The following PDE10A variants were observed in gnomAD, a reference collection of about 807,000 sequenced individuals.
PDE10A encodes the protein phosphodiesterase 10A, also known as cAMP and cAMP-inhibited cGMP 3',5'-cyclic phosphodiesterase 10A.
In PDE10A, 39 loss-of-function variants were observed where a neutral mutation model predicts 97.7. The observed-to-expected ratio is 0.40, with a 90% CI of 0.31 to 0.52. PDE10A has a LOEUF of 0.52. Ranked by LOEUF, PDE10A falls within the 20% of genes least tolerant of loss-of-function variation. PDE10A has a pLI of 0.56. For synonymous variants in PDE10A, 371 were observed against 376.8 expected (o/e 0.98, Z 0.18); for missense variants, 731 against 1,047.8 (o/e 0.70, Z 4.17).
chr6:165,721,545 A>C (rs990329530), intron 1 of PDE10A, among the ~76,000 whole-genome samples: 2 of 152,258 alleles, frequency 1.3e-5, no homozygotes, highest in African/African-American at 4.8e-5. Context: ...AAGTGGTTCC[A>C]GATTCCATCA....
intron 1 of PDE10A, among the ~76,000 whole-genome samples, chr6:165,682,878 C>T (rs1347437944): frequency 1.3e-5 from 2 of 152,184 alleles, no homozygotes; most frequent in African/African-American, 2.4e-5. Context: ...GCACACTGTA[C>T]CTGCACCTTC....
chr6:165,604,535 A>AAAAAG (rs1787118543), intron 1 of PDE10A, among the ~76,000 whole-genome samples: 1 of 147,120 alleles, frequency 6.8e-6, no homozygotes, highest in Non-Finnish European at 1.5e-5. Context: ...AAAAAAAAAA[A>AAAAAG]GTGTTACTAT....
intron 1 of PDE10A, among the ~76,000 whole-genome samples, chr6:165,876,440 C>T (rs554321488): frequency 1.2e-3 from 181 of 152,260 alleles, no homozygotes; most frequent in African/African-American, 4.2e-3. Flanking sequence ...AAGTCTCAAA[C>T]AGTGCAACTC....
intron 1 of PDE10A, among the ~76,000 whole-genome samples, chr6:165,573,508 C>A (rs906343699): frequency 8.5e-5 from 13 of 152,064 alleles, no homozygotes; most frequent in African/African-American, 2.9e-4. Flanking sequence ...GGTTCATTGT[C>A]CAAATACTGG....
Position 165,432,918 on chromosome 6 carries a change from C to T in PDE10A, c.1491+56G>A, listed in dbSNP as rs1789703958. 5 of 1,338,304 alleles carry T rather than the reference C, an allele frequency of 3.7e-6. No homozygotes were observed. In the Admixed American group the frequency reaches 7.8e-5, roughly 21 times the overall value. 82.9% of individuals were successfully genotyped at this position (1,338,304 alleles called of 1,614,324 possible). On this transcript the variant is annotated intron_variant, in intron 7 of 21. Coordinates refer to ENST00000539869, the MANE Select transcript of PDE10A (RefSeq NM_001385079.1). ...ATTACTTAGCAATACTAACAAGCAC[C>T]TTCAATGAGCTAGGTACAACTAAAA...
intron 1 of PDE10A, chr6:165,894,215 T>C (rs1422023906): frequency 2.3e-6 from 1 of 435,740 alleles, no homozygotes; most frequent in African/African-American, 2.0e-5. Context: ...GAGCCGTCTC[T>C]GGAGGAATAT....
intron 1 of PDE10A, among the ~76,000 whole-genome samples, chr6:165,686,756 G>A (rs1001156226): frequency 1.3e-5 from 2 of 152,212 alleles, no homozygotes; most frequent in African/African-American, 4.8e-5. Context: ...AGAAACACGA[G>A]CAGCTGCGTG....
chr6:165,677,375 C>T (rs972435683), intron 1 of PDE10A, among the ~76,000 whole-genome samples: 1 of 152,184 alleles, frequency 6.6e-6, no homozygotes, highest in African/African-American at 2.4e-5. Flanking sequence ...TGAGCCGGTT[C>T]CTTAAAAGCT....
At chr6:165,389,607 C>T (rs891534293) in intron 16 of PDE10A, among the ~76,000 whole-genome samples, 6 of 152,182 alleles carry the variant, frequency 3.9e-5, no homozygotes, top group South Asian at 2.1e-4. Context: ...TAGACTGAGG[C>T]GAAGGAGTCT....
chr6:165,597,327 T>G (rs1408679704), intron 1 of PDE10A, among the ~76,000 whole-genome samples: 2 of 152,188 alleles, frequency 1.3e-5, no homozygotes, highest in Non-Finnish European at 2.9e-5. Context: ...TTCTTAATAG[T>G]CACTTTCTTC....
intron 1 of PDE10A, among the ~76,000 whole-genome samples, chr6:165,935,484 G>C (rs979022472): frequency 2.0e-5 from 3 of 152,222 alleles, no homozygotes; most frequent in African/African-American, 7.2e-5. Flanking sequence ...TTTGAAAGTA[G>C]AGAGGAGGAT....
chr6:165,642,085 G>T (rs970183551), intron 1 of PDE10A, among the ~76,000 whole-genome samples: 3 of 152,144 alleles, frequency 2.0e-5, no homozygotes, highest in African/African-American at 7.2e-5. Context: ...TGGGAAGGTG[G>T]AATACCATGA....
intron 1 of PDE10A, among the ~76,000 whole-genome samples, chr6:165,963,108 C>T (rs1189976622): frequency 1.3e-5 from 2 of 152,172 alleles, no homozygotes; most frequent in African/African-American, 4.8e-5. Context: ...AGAATGCAAC[C>T]TTTTCCATCC....
At chr6:165,478,481 A>G (rs1259951371) in intron 3 of PDE10A, among the ~76,000 whole-genome samples, 3 of 152,188 alleles carry the variant, frequency 2.0e-5, no homozygotes, top group Non-Finnish European at 4.4e-5. Flanking sequence ...CATTAACACT[A>G]AAAAAGGTTT....
chr6:165,682,029 C>T (rs573662746), intron 1 of PDE10A, among the ~76,000 whole-genome samples: 2 of 152,304 alleles, frequency 1.3e-5, no homozygotes, highest in African/African-American at 4.8e-5. Context: ...TCTAAGTCGT[C>T]CTTGTTCTGG....
rs115361758 is a variant in PDE10A at position 165,493,532 on chromosome 6, G to A, written c.995-11189C>T. 1.7e-3 allele frequency among the ~76,000 whole-genome samples: 258 copies of A among 152,100 alleles called. 2 individuals carry two copies. The highest frequency in any genetic ancestry group is 5.7e-3 in the African/African-American group (238 of 41,522). On this transcript the variant is annotated intron_variant, in intron 2 of 21. Coordinates refer to ENST00000539869, the MANE Select transcript of PDE10A (RefSeq NM_001385079.1). Reference sequence around the variant, plus strand: ...AGAATAGAGAACCAAGAAATAAGGCGAAATACTTACTGTCAAGTGATTTTT... The same window carrying A: ...AGAATAGAGAACCAAGAAATAAGGCAAAATACTTACTGTCAAGTGATTTTT...
At chr6:165,857,889 T>C (rs139389434) in intron 1 of PDE10A, among the ~76,000 whole-genome samples, 148 of 152,292 alleles carry the variant, frequency 9.7e-4, no homozygotes, top group African/African-American at 3.5e-3. Context: ...AAGCACAACA[T>C]GCACAATTAC....
At chr6:165,691,112 C>CCT (rs1791272582) in intron 1 of PDE10A, among the ~76,000 whole-genome samples, 1 of 76,462 alleles carries the variant, frequency 1.3e-5, no homozygotes, top group Non-Finnish European at 2.8e-5. Context: ...TCTCTCCCCC[C>CCT]CCCCATCAGT....
intron 1 of PDE10A, among the ~76,000 whole-genome samples, chr6:165,632,357 G>A (rs1330843807): frequency 2.0e-5 from 3 of 152,114 alleles, no homozygotes; most frequent in Non-Finnish European, 4.4e-5. Context: ...GAAAGCTCAG[G>A]TATGAGACTG....
Sources: gnomAD v4.1 joint callset for allele counts (sites outside exome capture counted in the v4.1 genomes callset) on GRCh38, gnomAD v4.1.1 for gene constraint, MANE v1.5 for transcripts, NCBI Gene and HGNC (gene_info 2026-07-23, HGNC 2026-07-21) for gene names.